The following RALGAPA1 variants were observed in gnomAD, a reference collection of about 807,000 sequenced individuals.
The protein encoded by RALGAPA1 is Ral GTPase activating protein catalytic subunit alpha 1, also known as ral GTPase-activating protein subunit alpha-1.
RALGAPA1 carries 52 observed loss-of-function variants against 269.6 expected under a neutral mutation model. That is an observed-to-expected ratio of 0.19 (90% CI 0.15 to 0.24). The LOEUF is 0.24. RALGAPA1 is among the 10% of genes least tolerant of loss of function. The pLI is 1.00. For synonymous variants in RALGAPA1, 817 were observed against 1,008.3 expected (o/e 0.81, Z 3.60); for missense variants, 1,917 against 3,013.9 (o/e 0.64, Z 8.52).
At chr14:35,739,835 C>T (rs939416754) in intron 11 of RALGAPA1, among the ~76,000 whole-genome samples, 1 of 152,134 alleles carries the variant, frequency 6.6e-6, no homozygotes, top group East Asian at 1.9e-4. Context: ...CCATTCTGGG[C>T]CTGGTATGAC....
intron 6 of RALGAPA1, among the ~76,000 whole-genome samples, 153 bp from the exon 7 acceptor site, chr14:35,757,061 T>A (rs1400248210): frequency 6.6e-6 from 1 of 151,570 alleles, no homozygotes; most frequent in Non-Finnish European, 1.5e-5. Flanking sequence ...CTTAAGATCA[T>A]CCCTGATAGT....
intron 4 of RALGAPA1, among the ~76,000 whole-genome samples, chr14:35,763,791 T>G (rs58344295): frequency 0.16 from 23,230 of 147,620 alleles, 2,032 homozygotes; most frequent in Admixed American, 0.3. Context: ...TATATATATA[T>G]ATAGAGAGAG....
chr14:35,675,646 T>C (rs935534302), intron 22 of RALGAPA1, among the ~76,000 whole-genome samples: 3 of 152,192 alleles, frequency 2.0e-5, no homozygotes, highest in African/African-American at 7.2e-5. Context: ...TAAGGATACA[T>C]GTCCTAATCT....
In RALGAPA1 at chr14:35,627,242, A is replaced by G; in HGVS notation, c.6705T>C (p.His2235=). The change falls in exon 34 of 42, where the codon CAT becomes CAC. Residue 2235 remains histidine, a synonymous_variant. Transcript: ENST00000680220. ...NDVINAILKQ[H]TEEKEFVEKH... is the part of the protein sequence containing the mutation. ...TCTCAACAAATTCTTTTTCTTCTGTATGTTGCTTAAGGATAGCATTAATAA... is the reference window on the plus strand; with the variant it reads ...TCTCAACAAATTCTTTTTCTTCTGTGTGTTGCTTAAGGATAGCATTAATAA... 1.9e-6 allele frequency: 3 copies of G among 1,606,806 alleles called. No individual in the cohort carries two copies. Among genetic ancestry groups the G allele is most frequent in the Admixed American group, 1.7e-5 (1 of 57,978 alleles).
intron 1 of RALGAPA1, 84 bp downstream of exon 1, chr14:35,808,646 T>A (rs747860237): frequency 2.8e-5 from 40 of 1,444,372 alleles, no homozygotes; most frequent in Non-Finnish European, 3.7e-5. Flanking sequence ...CCGCGCCAGG[T>A]CCCGAGAGAG....
chr14:35,804,069 C>A (rs2077173354), intron 1 of RALGAPA1, among the ~76,000 whole-genome samples: 2 of 152,116 alleles, frequency 1.3e-5, no homozygotes, highest in South Asian at 4.1e-4. Flanking sequence ...TCAAGACCAG[C>A]CTGGCCAACA....
At chr14:35,576,205 TA>T (rs1352411430) in intron 37 of RALGAPA1, among the ~76,000 whole-genome samples, 1 of 152,244 alleles carries the variant, frequency 6.6e-6, no homozygotes, top group Admixed American at 6.5e-5. Flanking sequence ...ATGCTCTGGA[TA>T]ATACAGCAAA....
At chr14:35,805,699 T>C (rs1203970137) in intron 1 of RALGAPA1, among the ~76,000 whole-genome samples, 8 of 149,814 alleles carry the variant, frequency 5.3e-5, no homozygotes, top group Admixed American at 3.3e-4. Context: ...TTTTTTTTTT[T>C]CCTGAAACGG....
intron 10 of RALGAPA1, among the ~76,000 whole-genome samples, chr14:35,747,897 CT>C (rs369401504): frequency 2.4e-4 from 36 of 148,720 alleles, no homozygotes; most frequent in Non-Finnish European, 3.0e-4. Flanking sequence ...TTTATTTTCC[CT>C]TTTTTTTTTC....
chr14:35,737,770 A>C (rs2071153031), intron 12 of RALGAPA1, among the ~76,000 whole-genome samples: 1 of 104,420 alleles, frequency 9.6e-6, no homozygotes. Flanking sequence ...AAAAAAAAAA[A>C]AAAAAAAAAA....
intron 37 of RALGAPA1, among the ~76,000 whole-genome samples, chr14:35,575,554 T>C (rs2057498609): frequency 1.3e-5 from 2 of 152,196 alleles, no homozygotes; most frequent in South Asian, 4.1e-4. Context: ...CTTGAATACT[T>C]CTAAGGTTGG....
intron 10 of RALGAPA1, among the ~76,000 whole-genome samples, chr14:35,744,694 C>T (rs1461251977): frequency 6.6e-6 from 1 of 152,204 alleles, no homozygotes; most frequent in Non-Finnish European, 1.5e-5. Context: ...CTTTAATCAA[C>T]TCATTCCTAA....
intron 38 of RALGAPA1, among the ~76,000 whole-genome samples, chr14:35,572,234 T>C (rs1420145239): frequency 1.3e-5 from 2 of 152,202 alleles, no homozygotes; most frequent in African/African-American, 4.8e-5. Flanking sequence ...AGTAAATGAT[T>C]ACTTCTTACT....
At chr14:35,744,375 A>AAG (rs1396782071) in intron 10 of RALGAPA1, among the ~76,000 whole-genome samples, 1 of 151,594 alleles carries the variant, frequency 6.6e-6, no homozygotes, top group Admixed American at 6.6e-5. Context: ...CCATCTCAAA[A>AAG]AAAAAAAAAA....
At chr14:35,620,417 C>G (rs542825864) in intron 35 of RALGAPA1, among the ~76,000 whole-genome samples, 23 of 152,188 alleles carry the variant, frequency 1.5e-4, no homozygotes, top group Admixed American at 6.5e-5. Context: ...ACTGAATGGG[C>G]AAAAACTGGA....
At chr14:35,565,461 A>G (rs188988143) in intron 39 of RALGAPA1, among the ~76,000 whole-genome samples, 7 of 152,194 alleles carry the variant, frequency 4.6e-5, no homozygotes, top group Non-Finnish European at 8.8e-5. Flanking sequence ...ATTACCCTCT[A>G]TAATGTGGGT....
chr14:35,808,794 G>C lies in RALGAPA1; in HGVS notation c.42C>G (p.Thr14=). Reference sequence around the variant, plus strand: ...CCTTCTTGGTGTCTAGCACCTTCTGGGTGGACTTCTTCACGTCCCCGTGCG... The same window carrying C: ...CCTTCTTGGTGTCTAGCACCTTCTGCGTGGACTTCTTCACGTCCCCGTGCG... ...KKPHGDVKKS[T]QKVLDTKKDA... Residue 14 remains threonine (T), a synonymous_variant, in exon 1 of 42, where the codon ACC becomes ACG. Transcript: ENST00000680220. 6.2e-7 allele frequency: 1 copy of C among 1,612,986 alleles called. No individual in the cohort carries two copies. Among genetic ancestry groups the C allele is most frequent in the Admixed American group, 1.7e-5 (1 of 59,906 alleles).
chr14:35,762,621 G>C, intron 5 of RALGAPA1, 89 bp downstream of exon 5: 1 of 800,142 alleles, frequency 1.2e-6, no homozygotes, highest in Admixed American at 2.1e-5. Context: ...AGATCTTTAG[G>C]AAAAAGCTTA....
At chr14:35,706,323 G>A (rs899315023) in intron 16 of RALGAPA1, among the ~76,000 whole-genome samples, 14 of 152,190 alleles carry the variant, frequency 9.2e-5, no homozygotes, top group African/African-American at 3.4e-4. Context: ...GATGTAAGGT[G>A]TCTAGATTCA....
Sources: allele counts gnomAD v4.1 joint callset (sites outside exome capture counted in the v4.1 genomes callset), GRCh38; gene constraint gnomAD v4.1.1; transcripts MANE v1.5; gene names NCBI Gene and HGNC (gene_info 2026-07-23, HGNC 2026-07-21).